The following ATP9B variants were observed in gnomAD, a reference collection of about 807,000 sequenced individuals.
ATP9B encodes ATPase phospholipid transporting 9B.
Under a neutral mutation model 146.1 loss-of-function variants are expected in ATP9B, and 110 were observed. The observed-to-expected ratio is 0.75, with a 90% CI of 0.65 to 0.88. The LOEUF is 0.88. ATP9B is among the 40% of genes least tolerant of loss of function. The pLI, the probability that ATP9B is intolerant of heterozygous loss-of-function variation, is 0.00. For missense variants in ATP9B, 1,499 were observed against 1,496.4 expected, an observed-to-expected ratio of 1.00 and a Z score of -0.03; for synonymous variants, 604 against 569.7, an observed-to-expected ratio of 1.06 and a Z score of -0.86.
chr18:79,216,495 A>G (rs1230135679), intron 11 of ATP9B, among the ~76,000 whole-genome samples: 1 of 152,208 alleles, frequency 6.6e-6, no homozygotes, highest in Non-Finnish European at 1.5e-5. Context: ...TGCTCAGTAA[A>G]TGTTAGCTGT....
chr18:79,088,988 T>C (rs1429230075), intron 1 of ATP9B, among the ~76,000 whole-genome samples: 3 of 152,228 alleles, frequency 2.0e-5, no homozygotes, highest in Non-Finnish European at 2.9e-5. Context: ...ATATTGAATG[T>C]TAAGAATTCT....
chr18:79,084,670 C>T (rs536197551), intron 1 of ATP9B, among the ~76,000 whole-genome samples: 2 of 152,302 alleles, frequency 1.3e-5, no homozygotes, highest in East Asian at 3.9e-4. Flanking sequence ...ATGAGCTTTA[C>T]ATCGCTTTGT....
intron 13 of ATP9B, among the ~76,000 whole-genome samples, chr18:79,280,642 T>G: frequency 6.6e-6 from 1 of 152,216 alleles, no homozygotes; most frequent in Non-Finnish European, 1.5e-5. Flanking sequence ...AGTTTAGATC[T>G]TATGGACATA....
intron 13 of ATP9B, among the ~76,000 whole-genome samples, chr18:79,294,139 G>A: frequency 6.6e-6 from 1 of 152,226 alleles, no homozygotes; most frequent in East Asian, 1.9e-4. Context: ...AAGAGTCTGT[G>A]AATGGAGTGA....
chr18:79,367,946 G>A (rs1217114804), intron 26 of ATP9B, among the ~76,000 whole-genome samples: 3 of 152,254 alleles, frequency 2.0e-5, no homozygotes, highest in African/African-American at 4.8e-5. Flanking sequence ...CCAGAGCAGC[G>A]TGGGGTCCTG....
intron 4 of ATP9B, among the ~76,000 whole-genome samples, chr18:79,124,426 G>C (rs1308504135): frequency 6.6e-6 from 1 of 152,250 alleles, no homozygotes; most frequent in East Asian, 1.9e-4. Context: ...TCATCAGCTG[G>C]TGTCTTCAGT....
chr18:79,361,650 TA>T, intron 26 of ATP9B: 1 of 381,040 alleles, frequency 2.6e-6, no homozygotes, highest in Non-Finnish European at 3.6e-6. Flanking sequence ...AAAATAGCAC[TA>T]AAGTACTGAG....
At chr18:79,261,267 C>T (rs2096138206) in intron 12 of ATP9B, among the ~76,000 whole-genome samples, 1 of 152,156 alleles carries the variant, frequency 6.6e-6, no homozygotes, top group Non-Finnish European at 1.5e-5. Context: ...GCCCCCAGAA[C>T]ATGTGCCCAT....
chr18:79,335,112 A>G (rs1034337436), intron 17 of ATP9B, among the ~76,000 whole-genome samples: 2 of 151,512 alleles, frequency 1.3e-5, no homozygotes, highest in South Asian at 2.1e-4. Flanking sequence ...GCAGAGTTCC[A>G]GAAGTGGCTT....
chr18:79,088,522 T>A (rs2074039674), intron 1 of ATP9B, among the ~76,000 whole-genome samples: 1 of 152,254 alleles, frequency 6.6e-6, no homozygotes, highest in Non-Finnish European at 1.5e-5. Flanking sequence ...TGTGAGGTTG[T>A]TCTGTGATGC....
Position 79,247,772 on chromosome 18 carries a change from CTTT to C in ATP9B, c.1108-5605_1108-5603del, listed in dbSNP as rs554582162. On this transcript the variant is annotated intron_variant, in intron 11 of 29. Coordinates refer to ENST00000426216, the MANE Select transcript of ATP9B (RefSeq NM_198531.5). ...TCTTATTTATACAAAAAATATAGTACTTTTTTATGTTAATGTTCAAGGGAAAAC... is the reference window on the plus strand; with the variant it reads ...TCTTATTTATACAAAAAATATAGTACTTTATGTTAATGTTCAAGGGAAAAC... Among the ~76,000 whole-genome samples the C allele has an allele frequency of 5.9e-5, 9 of 152,130 alleles. No homozygotes were observed. In the South Asian group the frequency reaches 1.9e-3, roughly 32 times the overall value.
At chr18:79,211,727 ACCAC>A (rs969814265) in intron 10 of ATP9B, among the ~76,000 whole-genome samples, 23 of 152,272 alleles carry the variant, frequency 1.5e-4, no homozygotes, top group African/African-American at 5.5e-4. Flanking sequence ...TGAATACTGG[ACCAC>A]CATCATTTTT....
At chr18:79,076,372 C>G (rs1363437265) in intron 1 of ATP9B, among the ~76,000 whole-genome samples, 1 of 152,184 alleles carries the variant, frequency 6.6e-6, no homozygotes, top group Non-Finnish European at 1.5e-5. Context: ...TTTCCTTCAT[C>G]TGAAGATGCC....
chr18:79,214,409 A>C lies in ATP9B; in HGVS notation c.1107+371A>C, dbSNP rs913063824. Among the ~76,000 whole-genome samples, 3 of 152,296 alleles carry C rather than the reference A, an allele frequency of 2.0e-5. 1 individual carries two copies. The highest frequency in any genetic ancestry group is 6.8e-3 in the Middle Eastern group (2 of 294). ...TTTTAAAATAAAGCAATCTGTATTA[A>C]TGTTTTTATACTATTTAATTTGATG... On this transcript the variant is annotated intron_variant, in intron 11 of 29. Transcript: ENST00000426216.
At chr18:79,193,738 T>TA (rs2148156414) in intron 9 of ATP9B, among the ~76,000 whole-genome samples, 1 of 152,336 alleles carries the variant, frequency 6.6e-6, no homozygotes, top group African/African-American at 2.4e-5. Context: ...TGCCCCTGAC[T>TA]AACAGGGCTT....
intron 11 of ATP9B, among the ~76,000 whole-genome samples, chr18:79,242,231 G>A (rs910872728): frequency 2.0e-5 from 3 of 152,160 alleles, no homozygotes; most frequent in African/African-American, 7.2e-5. Context: ...ACATTTTACG[G>A]AAGACTTCTT....
At chr18:79,162,911 A>G (rs11081522) in intron 7 of ATP9B, among the ~76,000 whole-genome samples, 37,993 of 152,142 alleles carry the variant, frequency 0.25, 5,081 homozygotes, top group East Asian at 0.5. Context: ...TCTTCAGCAC[A>G]CTTGATGCAC....
At chr18:79,371,258 G>C (rs2097067931) in intron 26 of ATP9B, among the ~76,000 whole-genome samples, 1 of 151,690 alleles carries the variant, frequency 6.6e-6, no homozygotes, top group African/African-American at 2.4e-5. Flanking sequence ...TATAGTCCCA[G>C]CTACTTGGGA....
At chr18:79,167,440 C>T (rs930389302) in intron 7 of ATP9B, among the ~76,000 whole-genome samples, 32 of 152,122 alleles carry the variant, frequency 2.1e-4, no homozygotes, top group Admixed American at 5.9e-4. Flanking sequence ...TAGGTAGCTC[C>T]TATCAGCAGG....
Sources: allele counts gnomAD v4.1 joint callset (sites outside exome capture counted in the v4.1 genomes callset), GRCh38; gene constraint gnomAD v4.1.1; transcripts MANE v1.5; gene names NCBI Gene and HGNC (gene_info 2026-07-23, HGNC 2026-07-21).